The following CHRNA6 variants were observed in gnomAD, a reference collection of about 807,000 sequenced individuals.
The protein encoded by CHRNA6 is cholinergic receptor nicotinic alpha 6 subunit, also known as neuronal acetylcholine receptor subunit alpha-6.
CHRNA6 carries 31 observed loss-of-function variants against 40.9 expected under a neutral mutation model. The ratio of observed to expected loss-of-function variants is 0.76; its 90% CI spans 0.57 to 1.02. The LOEUF is 1.02. Among genes scored for constraint, CHRNA6 ranks in the 50% least tolerant of loss-of-function variants. The pLI is 0.00. For missense variants in CHRNA6, 546 were observed against 596.6 expected (o/e 0.92, Z 0.88); for synonymous variants, 222 against 221.3 (o/e 1.00, Z -0.03).
Position 42,756,275 on chromosome 8 carries a change from C to T in CHRNA6, c.924G>A (p.Leu308=), listed in dbSNP as rs372414818. The change falls in exon 5 of 6, where the codon CTG becomes CTA. Residue 308 remains leucine (L), a synonymous_variant. Transcript: ENST00000276410. ...LVVPLVGEYL[L]FTMIFVTLSI... ...ACAGTGTGACAAAGATCATGGTGAA[C>T]AGCAGGTACTCACCCACCAGTGGGA... The T allele has an allele frequency of 3.1e-6, 5 of 1,614,084 alleles. No individual in the cohort carries two copies. The highest frequency in any genetic ancestry group is 4.2e-6 in the Non-Finnish European group (5 of 1,180,024).
intron 5 of CHRNA6, 65 bp downstream of exon 5, chr8:42,755,781 G>A: frequency 6.5e-7 from 1 of 1,530,150 alleles, no homozygotes. Flanking sequence ...GTCTGACTGT[G>A]CATCCAGAGT....
chr8:42,753,319 C>A lies in CHRNA6; in HGVS notation c.1354-9G>T, dbSNP rs199638155. The A allele has an allele frequency of 1.1e-4, 180 of 1,596,574 alleles. 1 individual carries two copies. Among genetic ancestry groups the A allele is most frequent in the Non-Finnish European group, 1.9e-5 (22 of 1,176,110 alleles). On this transcript the variant is annotated splice_polypyrimidine_tract_variant and intron_variant, in intron 5 of 5. Transcript: ENST00000276410. The stretch of plus-strand genomic sequence containing the variant: ...TTCCAGTCATCTTCTACCTGAAATG[C>A]AAACAAAAATTAAGAGCTGTTTTAA...
At chr8:42,753,509 A>G (rs903793290) in intron 5 of CHRNA6, among the ~76,000 whole-genome samples, 199 bp from the exon 6 acceptor site, 34 of 152,082 alleles carry the variant, frequency 2.2e-4, no homozygotes, top group African/African-American at 8.2e-4. Flanking sequence ...CCCTGTCTCT[A>G]CTAAAAATAC....
chr8:42,755,319 C>G (rs1161219856), intron 5 of CHRNA6, among the ~76,000 whole-genome samples: 2 of 151,850 alleles, frequency 1.3e-5, no homozygotes, highest in African/African-American at 2.4e-5. Context: ...CTCTGTCACC[C>G]AGGCTGGAGT....
In CHRNA6 at chr8:42,756,577, T is replaced by C. The variant is rs1816804551; in HGVS notation, c.622A>G (p.Ile208Val). 3 of 1,614,038 alleles carry C rather than the reference T, an allele frequency of 1.9e-6. No homozygotes were observed. In the Admixed American group the frequency reaches 5.0e-5, roughly 27 times the overall value. Residue 208 changes from isoleucine (I) to valine (V), a missense_variant, in exon 5 of 6, where the codon ATC becomes GTC. Around this residue, in one of 3 missense-constraint regions of CHRNA6, gnomAD observed 476 missense variants for 494.5 expected, o/e 0.96. Transcript: ENST00000276410. ...TGTTTGTAGCCAGAGGCATCAATGATTTCCCATTCACTGTTTTCCCAAAAA... is the reference window on the plus strand; with the variant it reads ...TGTTTGTAGCCAGAGGCATCAATGACTTCCCATTCACTGTTTTCCCAAAAA... ...NDFWENSEWEIIDASGYKHDI... is the reference protein window; with the variant it reads ...NDFWENSEWEVIDASGYKHDI...
intron 5 of CHRNA6, 96 bp downstream of exon 5, chr8:42,755,750 G>A: frequency 5.6e-6 from 8 of 1,417,514 alleles, no homozygotes; most frequent in Non-Finnish European, 7.7e-6. Context: ...GACCCTCTCA[G>A]GAACAAAAGT....
intron 3 of CHRNA6, among the ~76,000 whole-genome samples, chr8:42,757,490 C>T (rs7002223): frequency 0.17 from 24,807 of 150,216 alleles, 3,264 homozygotes; most frequent in African/African-American, 0.37. Context: ...TTTGGGAGGC[C>T]GAGGTGAGCG....
chr8:42,753,184 A>G lies in CHRNA6; in HGVS notation c.1480T>C (p.Ser494Pro), dbSNP rs764113730. Residue 494 changes from serine to proline, a missense_variant, in exon 6 of 6, where the codon TCT becomes CCT. Physicochemically the swap from Ser to Pro is moderately conservative, Grantham distance 74 (BLOSUM62 -1). Coordinates refer to ENST00000276410, the MANE Select transcript of CHRNA6 (RefSeq NM_004198.3). ...AACATAAAAGAAAATACATTTTAAGATTTTCCTGTGTTCCCAAGTAGTGGC... is the reference window on the plus strand; with the variant it reads ...AACATAAAAGAAAATACATTTTAAGGTTTTCCTGTGTTCCCAAGTAGTGGC... Reference protein sequence around the residue: ...LQPLLGNTGKS With the variant: ...LQPLLGNTGKP The G allele has an allele frequency of 6.3e-7, 1 of 1,592,488 alleles. No individual in the cohort carries two copies. The highest frequency in any genetic ancestry group is 8.5e-7 in the Non-Finnish European group (1 of 1,175,098).
intron 2 of CHRNA6, among the ~76,000 whole-genome samples, chr8:42,761,700 G>A (rs1341222555): frequency 1.3e-5 from 2 of 152,180 alleles, no homozygotes; most frequent in African/African-American, 4.8e-5. Context: ...TCCCACCAAT[G>A]GGCATGGCAC....
rs1816794368 is a variant in CHRNA6 at position 42,756,085 on chromosome 8, T to C, written c.1114A>G (p.Arg372Gly). 6.2e-7 allele frequency: 1 copy of C among 1,614,146 alleles called. No individual in the cohort carries two copies. Among genetic ancestry groups the C allele is most frequent in the Non-Finnish European group, 8.5e-7 (1 of 1,180,048 alleles). ...TTGGCAGGCCTCCTGGCAAGGCCTC[T>C]GGGCACTGCATCAGAGCCTGTGCCC... ...TRGTGSDAVP[R>G]GLARRPAKGK... is the part of the protein sequence containing the mutation. The change falls in exon 5 of 6, where the codon AGA (arginine) becomes GGA (glycine). Residue 372 changes from arginine (R) to glycine (G), a missense_variant. Arg to Gly is a moderately radical substitution (Grantham distance 125). This residue lies in a region of CHRNA6 where 476 missense variants were observed against 494.5 expected (regional missense o/e 0.96). Transcript: ENST00000276410.
Position 42,755,243 on chromosome 8 carries a change from A to G in CHRNA6, c.1353+603T>C, listed in dbSNP as rs114197894. 5.9e-3 allele frequency among the ~76,000 whole-genome samples: 824 copies of G among 139,630 alleles called. 6 individuals are homozygous for G. The highest frequency in any genetic ancestry group is 0.022 in the African/African-American group (785 of 35,014). The allele number at this position is 139,630 out of a possible 152,430, so 91.6% of individuals were successfully genotyped here. A position where few individuals can be genotyped will look rare whatever the true frequency, so the allele number is the denominator to read the frequency against. On this transcript the variant is annotated intron_variant, in intron 5 of 5. Transcript: ENST00000276410. ...CTATGTTGCCCAGGCTGAGGCTCTT[A>G]GTTTCATTAACTGAGGTTGCCCTGA...
At chr8:42,753,341 T>G (rs1384617739) in intron 5 of CHRNA6, 31 bp from the exon 6 acceptor site, 1 of 1,587,926 alleles carries the variant, frequency 6.3e-7, no homozygotes, top group Non-Finnish European at 8.5e-7. Context: ...AAGAGCTGTT[T>G]TAAAAAACCA....
At chr8:42,760,509 C>A (rs1342650401) in intron 2 of CHRNA6, among the ~76,000 whole-genome samples, 1 of 151,998 alleles carries the variant, frequency 6.6e-6, no homozygotes, top group Non-Finnish European at 1.5e-5. Context: ...CTCACTCATG[C>A]ACATGCACAC....
At chr8:42,766,230 C>T (rs781184384) in intron 1 of CHRNA6, among the ~76,000 whole-genome samples, 2 of 152,136 alleles carry the variant, frequency 1.3e-5, no homozygotes, top group African/African-American at 2.4e-5. Flanking sequence ...CGGTGGCTCA[C>T]GCCTGTAATC....
At chr8:42,761,724 C>T (rs937015148) in intron 2 of CHRNA6, among the ~76,000 whole-genome samples, 1 of 152,248 alleles carries the variant, frequency 6.6e-6, no homozygotes, top group African/African-American at 2.4e-5. Flanking sequence ...TATCAGACAT[C>T]TCTGCCGGAG....
Position 42,768,745 on chromosome 8 carries a change from AC to A in CHRNA6, c.-316del. On this transcript the variant is annotated 5_prime_UTR_variant, in exon 1 of 6. Transcript: ENST00000276410. ...GAAAAGAAATGCTGGGGCAGACAGG[AC>A]CCCGGGAGGATGAACACCTGTGAGT... 1 of 243,518 alleles carries A rather than the reference AC, an allele frequency of 4.1e-6. No homozygotes were observed. The highest frequency in any genetic ancestry group is 8.1e-6 in the Non-Finnish European group (1 of 123,208). 15.1% of individuals were successfully genotyped at this position (243,518 alleles called of 1,614,324 possible).
At chr8:42,754,644 T>C (rs1481946513) in intron 5 of CHRNA6, among the ~76,000 whole-genome samples, 2 of 152,190 alleles carry the variant, frequency 1.3e-5, no homozygotes, top group African/African-American at 2.4e-5. Context: ...CTAGGAGCGA[T>C]GGCTGCCAGC....
rs767652908 is a variant in CHRNA6 at position 42,765,068 on chromosome 8, G to A, written c.216C>T (p.Asn72=). 2.0e-5 allele frequency: 32 copies of A among 1,613,928 alleles called. No homozygotes were observed. The highest frequency in any genetic ancestry group is 2.0e-4 in the South Asian group (18 of 91,048). ...HFEVAITQLA[N]VDEVNQIMET... is the part of the protein sequence containing the mutation. ...GCTCTGATCAGAGGGCACTCACCAC[G>A]TTGGCCAGCTGGGTGATGGCCACTT... The change falls in exon 2 of 6, where the codon AAC becomes AAT. Residue 72 remains asparagine (N), a synonymous_variant. Transcript: ENST00000276410.
Position 42,759,103 on chromosome 8 carries a change from T to A in CHRNA6, c.230A>T (p.Asn77Ile). The change falls in exon 3 of 6, where the codon AAC becomes ATC. Residue 77 changes from asparagine (N) to isoleucine (I), a missense_variant. Around this residue, in one of 3 missense-constraint regions of CHRNA6, gnomAD observed 476 missense variants for 494.5 expected, o/e 0.96. Coordinates refer to ENST00000276410, the MANE Select transcript of CHRNA6 (RefSeq NM_004198.3). Reference protein sequence around the residue: ...ITQLANVDEVNQIMETNLWLR... With the variant: ...ITQLANVDEVIQIMETNLWLR... ...CCACAAATTGGTTTCCATGATCTGG[T>A]TTACTTCATCCTGGGAAGAAGAAAT... 4 of 1,613,208 alleles carry A rather than the reference T, an allele frequency of 2.5e-6. No homozygotes were observed. In the South Asian group the frequency reaches 4.4e-5, roughly 18 times the overall value.
Sources: allele counts gnomAD v4.1 joint callset (sites outside exome capture counted in the v4.1 genomes callset), GRCh38; gene constraint gnomAD v4.1.1; regional missense constraint gnomAD v4.1.1; transcripts MANE v1.5; gene names NCBI Gene and HGNC (gene_info 2026-07-23, HGNC 2026-07-21).